Variants in ZHX2 observed in about 807,000 individuals in gnomAD.
The protein encoded by ZHX2 is zinc fingers and homeoboxes 2.
Under a neutral mutation model 21.9 loss-of-function variants are expected in ZHX2, and 6 were observed. That is an observed-to-expected ratio of 0.27 (90% confidence interval 0.15 to 0.54). The LOEUF (loss-of-function observed/expected upper bound fraction) is 0.54. Ranked by LOEUF, ZHX2 falls within the 20% of genes least tolerant of loss-of-function variation. The probability of loss-of-function intolerance (pLI) is 0.95; values close to 1 mark genes in which losing one functional copy is unlikely to be tolerated. For missense variants in ZHX2, 908 were observed against 1,090.7 expected, an observed-to-expected ratio of 0.83 and a Z score of 2.36; for synonymous variants, 434 against 437.1, an observed-to-expected ratio of 0.99 and a Z score of 0.09.
chr8:122,835,475 C>T (rs529194852), intron 1 of ZHX2, among the ~76,000 whole-genome samples: 1 of 152,162 alleles, frequency 6.6e-6, no homozygotes, highest in Non-Finnish European at 1.5e-5. Flanking sequence ...TGGGTACAGG[C>T]AATACTAGAA....
chr8:122,845,604 A>G (rs1325753747), intron 1 of ZHX2, among the ~76,000 whole-genome samples: 3 of 152,270 alleles, frequency 2.0e-5, no homozygotes, highest in Non-Finnish European at 4.4e-5. Context: ...AAATGGAACT[A>G]GAAGGCATGG....
chr8:122,870,180 G>A (rs1819396441), intron 2 of ZHX2, among the ~76,000 whole-genome samples: 1 of 152,148 alleles, frequency 6.6e-6, no homozygotes, highest in Admixed American at 6.5e-5. Flanking sequence ...GAGCCTCATG[G>A]GGGAGCACAT....
intron 2 of ZHX2, among the ~76,000 whole-genome samples, chr8:122,886,099 T>C (rs943647607): frequency 6.6e-6 from 1 of 152,188 alleles, no homozygotes; most frequent in African/African-American, 2.4e-5. Context: ...AGTAGGTGAA[T>C]GGATAAACAA....
intron 2 of ZHX2, among the ~76,000 whole-genome samples, chr8:122,877,333 C>T (rs1819595416): frequency 6.6e-6 from 1 of 152,190 alleles, no homozygotes; most frequent in Non-Finnish European, 1.5e-5. Context: ...GCTAGGACTG[C>T]AAGTTCCCAT....
At chr8:122,954,173 T>A in intron 3 of ZHX2, 145 bp downstream of exon 3, 2 of 751,628 alleles carry the variant, frequency 2.7e-6, no homozygotes, top group Non-Finnish European at 4.1e-6. Context: ...AAGAATGATG[T>A]ATATTGATCA....
At position 122,953,649 on chromosome 8, in the gene ZHX2, A is replaced by G. The variant is rs1280426969; in HGVS notation, c.2139A>G (p.Thr713=). ...ACGATGCCGTAGCAAGGAAAGCAACAAAACCCATGGCCGAGAGCCCAAAGA... is the reference window on the plus strand; with the variant it reads ...ACGATGCCGTAGCAAGGAAAGCAACGAAACCCATGGCCGAGAGCCCAAAGA... ...HGYDAVARKA[T]KPMAESPKNG... Residue 713 remains threonine (T), a synonymous_variant, in exon 3 of 4, where the codon ACA becomes ACG. Transcript: ENST00000314393. The surrounding 1 kb of genome is among the most constrained non-coding windows in gnomAD (Gnocchi z 4.6). 2 of 1,614,152 alleles carry G rather than the reference A, an allele frequency of 1.2e-6. No individual in the cohort carries two copies. The highest frequency in any genetic ancestry group is 2.7e-5 in the African/African-American group (2 of 74,958).
intron 2 of ZHX2, among the ~76,000 whole-genome samples, chr8:122,889,086 G>A (rs912907336): frequency 2.0e-5 from 3 of 152,006 alleles, no homozygotes; most frequent in Admixed American, 2.0e-4. Context: ...TCTTTTTCAC[G>A]ACTGAATAGT....
intron 2 of ZHX2, among the ~76,000 whole-genome samples, chr8:122,913,268 C>T (rs1820522867): frequency 6.6e-6 from 1 of 152,156 alleles, no homozygotes; most frequent in African/African-American, 2.4e-5. Context: ...TTTAGTTTAG[C>T]CATGCATCTG....
chr8:122,932,776 G>A (rs963950343), intron 2 of ZHX2, among the ~76,000 whole-genome samples: 9 of 152,052 alleles, frequency 5.9e-5, no homozygotes, highest in South Asian at 2.1e-4. Flanking sequence ...TCCCTTTGCC[G>A]TACAAAGTAA....
chr8:122,800,323 T>C (rs1368294054), intron 1 of ZHX2, among the ~76,000 whole-genome samples: 3 of 152,192 alleles, frequency 2.0e-5, no homozygotes, highest in African/African-American at 7.2e-5. Flanking sequence ...TCTTCCCCTG[T>C]CCTGGGTTCA....
At chr8:122,839,858 T>C (rs1490786823) in intron 1 of ZHX2, among the ~76,000 whole-genome samples, 1 of 152,196 alleles carries the variant, frequency 6.6e-6, no homozygotes, top group Admixed American at 6.5e-5. Context: ...GACAGAATCT[T>C]TTAAACTTTG....
chr8:122,863,993 G>A (rs1819229852), intron 2 of ZHX2, among the ~76,000 whole-genome samples: 1 of 152,052 alleles, frequency 6.6e-6, no homozygotes, highest in South Asian at 2.1e-4. Context: ...GTCATGAGCA[G>A]GGCAGAGGTG....
At chr8:122,819,627 C>T (rs75172596) in intron 1 of ZHX2, among the ~76,000 whole-genome samples, 4,916 of 152,246 alleles carry the variant, frequency 0.032, 92 homozygotes, top group East Asian at 0.051. Flanking sequence ...TAGAATTGCC[C>T]GCATGAAATT....
chr8:122,836,108 A>G (rs1409703661), intron 1 of ZHX2, among the ~76,000 whole-genome samples: 2 of 152,148 alleles, frequency 1.3e-5, no homozygotes, highest in East Asian at 1.9e-4. Context: ...AAAAGGAGCA[A>G]TTGTCACTGC....
chr8:122,888,779 A>G (rs1359675682), intron 2 of ZHX2, among the ~76,000 whole-genome samples: 1 of 152,196 alleles, frequency 6.6e-6, no homozygotes, highest in Non-Finnish European at 1.5e-5. Flanking sequence ...CACCGCGCAC[A>G]GCCACAAAGA....
chr8:122,888,636 C>A (rs908605141), intron 2 of ZHX2, among the ~76,000 whole-genome samples: 8 of 152,160 alleles, frequency 5.3e-5, no homozygotes, highest in African/African-American at 1.9e-4. Context: ...GTATACGCTG[C>A]CACATCTGGC....
At chr8:122,939,941 A>G (rs1489083114) in intron 2 of ZHX2, among the ~76,000 whole-genome samples, 1 of 152,178 alleles carries the variant, frequency 6.6e-6, no homozygotes, top group Non-Finnish European at 1.5e-5. Context: ...TAGCTTACTA[A>G]TCAAAGTTAT....
intron 3 of ZHX2, among the ~76,000 whole-genome samples, chr8:122,966,214 G>T (rs1813581851): frequency 6.7e-6 from 1 of 150,332 alleles, no homozygotes; most frequent in Admixed American, 6.6e-5. Flanking sequence ...GAATACCTTG[G>T]TTTTTTTTTC....
intron 1 of ZHX2, among the ~76,000 whole-genome samples, chr8:122,840,869 C>G (rs1371664231): frequency 6.6e-6 from 1 of 152,172 alleles, no homozygotes; most frequent in Non-Finnish European, 1.5e-5. Context: ...GTGACTTGCT[C>G]AAGGTCACTC....
Sources: gnomAD v4.1 joint callset for allele counts (sites outside exome capture counted in the v4.1 genomes callset) on GRCh38, gnomAD v4.1.1 for gene constraint, Gnocchi (gnomAD v3.1) non-coding constraint, MANE v1.5 for transcripts, NCBI Gene and HGNC (gene_info 2026-07-23, HGNC 2026-07-21) for gene names.